Variants in SIRPA observed in about 807,000 individuals in gnomAD.
SIRPA encodes signal regulatory protein alpha.
SIRPA carries 9 observed loss-of-function variants against 50.3 expected under a neutral mutation model. The ratio of observed to expected loss-of-function variants is 0.18; its 90% CI spans 0.11 to 0.31. SIRPA has a LOEUF of 0.31. SIRPA is among the 10% of genes least tolerant of loss of function. The probability of loss-of-function intolerance (pLI) is 1.00; values close to 1 mark genes in which losing one functional copy is unlikely to be tolerated. For synonymous variants in SIRPA, 265 were observed against 284.1 expected (o/e 0.93, Z 0.68); for missense variants, 474 against 661.6 (o/e 0.72, Z 3.11).
Position 1,934,878 on chromosome 20 carries a change from C to A in SIRPA, c.1266+124C>A. ...GTGGGGTGGAGGGTGGAGGATCTTA[C>A]ACTCCTAGCTTTCCCCATGTCCTGT... On this transcript the variant is annotated intron_variant, in intron 7 of 7. Transcript: ENST00000358771. The surrounding 1 kb of genome is among the most constrained non-coding windows in gnomAD (Gnocchi z 4.6). The A allele has an allele frequency of 9.6e-7, 1 of 1,041,462 alleles. No homozygotes were observed. The highest frequency in any genetic ancestry group is 1.5e-6 in the Non-Finnish European group (1 of 672,100). The allele number at this position is 1,041,462 out of a possible 1,614,324, so 64.5% of individuals were successfully genotyped here. A position where few individuals can be genotyped will look rare whatever the true frequency, so the allele number is the denominator to read the frequency against.
At chr20:1,908,343 G>A (rs917241617) in intron 1 of SIRPA, among the ~76,000 whole-genome samples, 12 of 151,602 alleles carry the variant, frequency 7.9e-5, no homozygotes, top group Admixed American at 2.6e-4. Context: ...TGTCACACAC[G>A]TGCCACCCCC....
chr20:1,924,754 T>C lies in SIRPA; in HGVS notation c.1088-10T>C, dbSNP rs1985881112. On this transcript the variant is annotated splice_polypyrimidine_tract_variant and intron_variant, in intron 4 of 7. Coordinates refer to ENST00000358771, the MANE Select transcript of SIRPA (RefSeq NM_001040023.2). This position sits in a 1 kb window ranked among gnomAD's most constrained non-coding sequence, Gnocchi z 4.5. ...GCATACGTGAAGCCTCTATTCCATG[T>C]GGTCCCTAGAGAACACTGGATCTAA... 6.2e-7 allele frequency: 1 copy of C among 1,610,372 alleles called. No individual in the cohort carries two copies. Among genetic ancestry groups the C allele is most frequent in the Non-Finnish European group, 8.5e-7 (1 of 1,176,892 alleles).
At chr20:1,925,815 C>T (rs951665426) in intron 5 of SIRPA, among the ~76,000 whole-genome samples, 2 of 152,178 alleles carry the variant, frequency 1.3e-5, no homozygotes, top group African/African-American at 4.8e-5. Context: ...TGTTCTCTTT[C>T]CCACTCTTGG....
At chr20:1,907,940 C>T (rs964518670) in intron 1 of SIRPA, among the ~76,000 whole-genome samples, 20 of 152,144 alleles carry the variant, frequency 1.3e-4, no homozygotes, top group African/African-American at 3.9e-4. Context: ...AGCTACCTTT[C>T]GCCTTCCTGC....
chr20:1,919,441 A>G (rs1331328762), intron 2 of SIRPA, among the ~76,000 whole-genome samples: 2 of 152,088 alleles, frequency 1.3e-5, no homozygotes, highest in African/African-American at 4.8e-5. Context: ...CTTCTGAACA[A>G]CGTGCACCCG....
chr20:1,915,082 T>G lies in SIRPA; in HGVS notation c.80-17T>G. 1 of 1,599,360 alleles carries G rather than the reference T, an allele frequency of 6.3e-7. No individual in the cohort carries two copies. The highest frequency in any genetic ancestry group is 1.1e-5 in the South Asian group (1 of 90,082). ...CACGTAAGGATGAAAAAATGACTGC[T>G]TTGTGCTCCTTTCCAGGAGTGGCGG... On this transcript the variant is annotated splice_polypyrimidine_tract_variant and intron_variant, in intron 1 of 7. Coordinates refer to ENST00000358771, the MANE Select transcript of SIRPA (RefSeq NM_001040023.2).
chr20:1,929,242 A>G (rs138726026), intron 6 of SIRPA, among the ~76,000 whole-genome samples: 22 of 152,212 alleles, frequency 1.4e-4, no homozygotes, highest in Non-Finnish European at 2.8e-4. Context: ...TGTGGAGCCC[A>G]GACTACAGGA....
At chr20:1,917,185 C>T (rs1425436402) in intron 2 of SIRPA, among the ~76,000 whole-genome samples, 1 of 152,124 alleles carries the variant, frequency 6.6e-6, no homozygotes, top group African/African-American at 2.4e-5. Flanking sequence ...ATTGGATCCT[C>T]ATCCTGGCAC....
intron 1 of SIRPA, among the ~76,000 whole-genome samples, chr20:1,897,691 C>G (rs1353940875): frequency 6.6e-6 from 1 of 151,704 alleles, no homozygotes; most frequent in South Asian, 2.1e-4. Context: ...GAACTGTCAG[C>G]CTGGGAGGTG....
At position 1,927,955 on chromosome 20, in the gene SIRPA, C is replaced by T. The variant is rs1347076904; in HGVS notation, c.1226+56C>T. On this transcript the variant is annotated intron_variant, in intron 6 of 7. Coordinates refer to ENST00000358771, the MANE Select transcript of SIRPA (RefSeq NM_001040023.2). This position sits in a 1 kb window ranked among gnomAD's most constrained non-coding sequence, Gnocchi z 6.5. ...CAGTTATTATTTGGTTATTTGACAGCCCCCCAGACTACAAAGCATAATCCA... is the reference window on the plus strand; with the variant it reads ...CAGTTATTATTTGGTTATTTGACAGTCCCCCAGACTACAAAGCATAATCCA... 2.1e-6 allele frequency: 3 copies of T among 1,430,728 alleles called. No individual in the cohort carries two copies. Among genetic ancestry groups the T allele is most frequent in the African/African-American group, 1.4e-5 (1 of 71,416 alleles). 88.6% of individuals were successfully genotyped at this position (1,430,728 alleles called of 1,614,324 possible).
chr20:1,895,099 CCT>C (rs1189320331), upstream of SIRPA, among the ~76,000 whole-genome samples: 2 of 151,552 alleles, frequency 1.3e-5, no homozygotes, highest in Non-Finnish European at 3.0e-5. Context: ...TCGCTCTCCC[CCT>C]CTTTCTCCCC....
At position 1,927,805 on chromosome 20, in the gene SIRPA, C is replaced by T. The variant is rs1223858694; in HGVS notation, c.1202-70C>T. On this transcript the variant is annotated intron_variant, in intron 5 of 7. Transcript: ENST00000358771. This position sits in a 1 kb window ranked among gnomAD's most constrained non-coding sequence, Gnocchi z 6.5. ...ATGTCCCTGGAGGCAAACCTTTTGC[C>T]AAAAAATAGTTACATAAGAAAAGTG... 3 of 1,494,316 alleles carry T rather than the reference C, an allele frequency of 2.0e-6. No individual in the cohort carries two copies. Among genetic ancestry groups the T allele is most frequent in the Non-Finnish European group, 2.8e-6 (3 of 1,071,008 alleles). 92.6% of individuals were successfully genotyped at this position (1,494,316 alleles called of 1,614,324 possible). A position where few individuals can be genotyped will look rare whatever the true frequency, so the allele number is the denominator to read the frequency against.
At chr20:1,896,637 T>C (rs1983843497) in intron 1 of SIRPA, among the ~76,000 whole-genome samples, 1 of 150,924 alleles carries the variant, frequency 6.6e-6, no homozygotes, top group African/African-American at 2.4e-5. Flanking sequence ...TGACTAGAGA[T>C]GGTAACCATC....
At chr20:1,917,263 C>T (rs1420273884) in intron 2 of SIRPA, among the ~76,000 whole-genome samples, 1 of 152,090 alleles carries the variant, frequency 6.6e-6, no homozygotes, top group East Asian at 1.9e-4. Context: ...GATAAGGACT[C>T]TGAGGCTCAG....
At chr20:1,931,170 A>T (rs981934533) in intron 6 of SIRPA, among the ~76,000 whole-genome samples, 1 of 152,178 alleles carries the variant, frequency 6.6e-6, no homozygotes. Context: ...AACACAGATT[A>T]CTGGGCCCCA....
chr20:1,931,628 A>G (rs1375446939), intron 6 of SIRPA, among the ~76,000 whole-genome samples: 1 of 152,178 alleles, frequency 6.6e-6, no homozygotes, highest in Non-Finnish European at 1.5e-5. Flanking sequence ...TGCTGGGATC[A>G]GACATTTTCC....
chr20:1,920,569 C>T (rs1271446110), intron 2 of SIRPA, among the ~76,000 whole-genome samples: 1 of 152,196 alleles, frequency 6.6e-6, no homozygotes, highest in Non-Finnish European at 1.5e-5. Context: ...ACCACTTTGG[C>T]TTTCTCCACA....
At chr20:1,917,486 G>A (rs754215833) in intron 2 of SIRPA, among the ~76,000 whole-genome samples, 11 of 152,140 alleles carry the variant, frequency 7.2e-5, no homozygotes, top group African/African-American at 2.2e-4. Context: ...ATTACAGTGA[G>A]CCGAGATCGC....
intron 1 of SIRPA, among the ~76,000 whole-genome samples, chr20:1,896,207 T>A (rs919299861): frequency 6.6e-6 from 1 of 152,084 alleles, no homozygotes; most frequent in Admixed American, 6.5e-5. Context: ...CGCTCCCAGC[T>A]CCCCCTTCCT....
Sources: gnomAD v4.1 joint callset for allele counts (sites outside exome capture counted in the v4.1 genomes callset) on GRCh38, gnomAD v4.1.1 for gene constraint, Gnocchi (gnomAD v3.1) non-coding constraint, MANE v1.5 for transcripts, NCBI Gene and HGNC (gene_info 2026-07-23, HGNC 2026-07-21) for gene names.